CDH13: variants seen among roughly 807,000 people sequenced by gnomAD.
CDH13 encodes cadherin 13.
A neutral mutation model predicts 63.8 loss-of-function variants in CDH13; 24 were observed. The observed-to-expected ratio is 0.38, with a 90% CI of 0.27 to 0.53. The LOEUF is 0.53. Ranked by LOEUF, CDH13 falls within the 20% of genes least tolerant of loss-of-function variation. The pLI is 0.85. For missense variants in CDH13, 1,049 were observed against 903.1 expected, an observed-to-expected ratio of 1.16 and a Z score of -2.07; for synonymous variants, 503 against 355.3, an observed-to-expected ratio of 1.42 and a Z score of -4.67.
chr16:82,717,598 A>C (rs2032469910), intron 1 of CDH13, among the ~76,000 whole-genome samples: 1 of 152,124 alleles, frequency 6.6e-6, no homozygotes, highest in South Asian at 2.1e-4. Context: ...TCCTTAGCTT[A>C]TAGCCACATC....
chr16:82,952,473 A>T (rs1567688883), intron 2 of CDH13, among the ~76,000 whole-genome samples: 1 of 152,228 alleles, frequency 6.6e-6, no homozygotes, highest in Non-Finnish European at 1.5e-5. Flanking sequence ...TAGAGCAGTG[A>T]TGGCTCTAAT....
chr16:83,657,410 C>T (rs1331207662), intron 8 of CDH13, among the ~76,000 whole-genome samples: 1 of 152,168 alleles, frequency 6.6e-6, no homozygotes, highest in Non-Finnish European at 1.5e-5. Flanking sequence ...GGGATAGCTT[C>T]TAGGTTCATG....
At chr16:82,868,311 TG>T (rs2040223227) in intron 2 of CDH13, among the ~76,000 whole-genome samples, 1 of 152,224 alleles carries the variant, frequency 6.6e-6, no homozygotes, top group African/African-American at 2.4e-5. Flanking sequence ...AGAAATGTTA[TG>T]CTTTCACAGG....
chr16:83,025,905 C>T (rs1177931981), intron 2 of CDH13, among the ~76,000 whole-genome samples: 3 of 152,150 alleles, frequency 2.0e-5, no homozygotes, highest in Non-Finnish European at 4.4e-5. Context: ...TACTAGTGCA[C>T]ACAGACCGCA....
intron 5 of CDH13, among the ~76,000 whole-genome samples, chr16:83,340,305 A>AAT (rs1555532368): frequency 6.7e-6 from 1 of 150,282 alleles, no homozygotes; most frequent in Admixed American, 6.6e-5. Flanking sequence ...CCTACATCTG[A>AAT]GTGTGTGTGT....
At chr16:83,435,553 G>A (rs2072270019) in intron 6 of CDH13, among the ~76,000 whole-genome samples, 1 of 152,090 alleles carries the variant, frequency 6.6e-6, no homozygotes, top group Non-Finnish European at 1.5e-5. Context: ...CACGCCCACT[G>A]TAGTCCACCC....
At chr16:82,884,451 A>G (rs1370051279) in intron 2 of CDH13, 2 of 290,416 alleles carry the variant, frequency 6.9e-6, no homozygotes. Context: ...AACAGCAGCA[A>G]CCCAGTGCCT....
intron 10 of CDH13, among the ~76,000 whole-genome samples, chr16:83,683,178 G>T (rs1287721583): frequency 2.0e-5 from 3 of 152,172 alleles, no homozygotes; most frequent in Non-Finnish European, 4.4e-5. Flanking sequence ...TAAAAAGCCT[G>T]GGTTATTAAG....
chr16:83,473,656 C>G (rs79389059), intron 6 of CDH13, among the ~76,000 whole-genome samples: 3,820 of 152,262 alleles, frequency 0.025, 161 homozygotes, highest in African/African-American at 0.086. Context: ...AGGGCAAGGT[C>G]CTCAATAGCC....
chr16:83,094,552 G>C (rs1037469347), intron 3 of CDH13, among the ~76,000 whole-genome samples: 2 of 152,142 alleles, frequency 1.3e-5, no homozygotes, highest in African/African-American at 4.8e-5. Flanking sequence ...ATTTCAGGAA[G>C]GGAGTATAAT....
intron 7 of CDH13, among the ~76,000 whole-genome samples, chr16:83,501,233 G>T (rs374939406): frequency 2.0e-5 from 3 of 152,250 alleles, no homozygotes; most frequent in South Asian, 2.1e-4. Context: ...TTCTACCTTT[G>T]TGAAGAACAG....
chr16:83,250,972 AT>A (rs2151824852), intron 5 of CDH13, among the ~76,000 whole-genome samples: 1 of 152,296 alleles, frequency 6.6e-6, no homozygotes, highest in South Asian at 2.1e-4. Context: ...CTTTTAAAAT[AT>A]GGTTTATATG....
intron 2 of CDH13, among the ~76,000 whole-genome samples, chr16:82,901,354 GTGTGTGTGTGTGTC>G (rs1246933381): frequency 3.5e-4 from 53 of 150,212 alleles, no homozygotes; most frequent in South Asian, 2.1e-4. Flanking sequence ...GTGTGTGTGT[GTGTGTGTGTGTGTC>G]TGATGATTGG....
At chr16:83,323,165 CTCTTTCTTTTT>C (rs1318573217) in intron 5 of CDH13, among the ~76,000 whole-genome samples, 16 of 3,068 alleles carry the variant, frequency 5.2e-3, no homozygotes, top group Non-Finnish European at 5.7e-3. Flanking sequence ...TTCTTTCTTT[CTCTTTCTTTTT>C]TCTTTCTTTC....
intron 1 of CDH13, among the ~76,000 whole-genome samples, chr16:82,828,623 A>G (rs946739556): frequency 1.3e-5 from 2 of 150,166 alleles, no homozygotes; most frequent in African/African-American, 4.9e-5. Context: ...GCCTGTCTAA[A>G]ATAAAAATAA....
At chr16:82,712,975 C>T (rs745966829) in intron 1 of CDH13, among the ~76,000 whole-genome samples, 1 of 152,114 alleles carries the variant, frequency 6.6e-6, no homozygotes, top group East Asian at 1.9e-4. Context: ...TATTGACCCT[C>T]AGGCATGAGC....
intron 6 of CDH13, among the ~76,000 whole-genome samples, chr16:83,347,485 C>T (rs1386648650): frequency 6.6e-6 from 1 of 152,144 alleles, no homozygotes; most frequent in Admixed American, 6.5e-5. Flanking sequence ...GCTCTTTCAC[C>T]TGTCCCGCTG....
chr16:83,211,269 G>A (rs1466914979), intron 4 of CDH13, among the ~76,000 whole-genome samples: 5 of 151,992 alleles, frequency 3.3e-5, no homozygotes, highest in South Asian at 2.1e-4. Context: ...CCATTTTTAC[G>A]TAAGATGTCA....
At chr16:83,516,095 TTCTTA>T (rs1419846823) in intron 7 of CDH13, among the ~76,000 whole-genome samples, 12 of 152,234 alleles carry the variant, frequency 7.9e-5, no homozygotes, top group African/African-American at 2.2e-4. Flanking sequence ...ATGTGGTGGG[TTCTTA>T]TCTTCATCAT....
Sources: gnomAD v4.1 joint callset for allele counts (sites outside exome capture counted in the v4.1 genomes callset) on GRCh38, gnomAD v4.1.1 for gene constraint, MANE v1.5 for transcripts, NCBI Gene and HGNC (gene_info 2026-07-23, HGNC 2026-07-21) for gene names.